Variants in BBS9 observed in about 807,000 individuals in gnomAD.
The protein encoded by BBS9 is protein PTHB1.
In BBS9, 89 loss-of-function variants were observed where a neutral mutation model predicts 117.7. The observed-to-expected ratio is 0.76, with a 90% CI of 0.64 to 0.90. BBS9 has a LOEUF of 0.90. BBS9 is among the 40% of genes least tolerant of loss of function. BBS9 has a pLI of 0.00. For missense variants in BBS9, 982 were observed against 1,042.2 expected (o/e 0.94, Z 0.80); for synonymous variants, 379 against 370.9 (o/e 1.02, Z -0.25).
At chr7:33,626,847 A>T (rs2700687) in intron 21 of BBS9, among the ~76,000 whole-genome samples, 100,383 of 152,148 alleles carry the variant, frequency 0.66, 35,481 homozygotes, top group Non-Finnish European at 0.78. Flanking sequence ...GAGCAAAGAG[A>T]TGTCCTGAAA....
intron 19 of BBS9, among the ~76,000 whole-genome samples, chr7:33,501,174 G>A (rs1006677894): frequency 6.6e-6 from 1 of 152,180 alleles, no homozygotes; most frequent in Admixed American, 6.5e-5. Flanking sequence ...GGTGAGCAGC[G>A]AGATCTTCTA....
intron 19 of BBS9, among the ~76,000 whole-genome samples, chr7:33,453,951 TG>T (rs1237768412): frequency 6.6e-6 from 1 of 152,214 alleles, no homozygotes; most frequent in Non-Finnish European, 1.5e-5. Flanking sequence ...TAGTTAAATT[TG>T]GGGGAGTCAA....
In BBS9 at chr7:33,344,608, G is replaced by A; in HGVS notation, c.1303G>A (p.Asp435Asn). The A allele has an allele frequency of 6.2e-7, 1 of 1,614,040 alleles. No homozygotes were observed. Among genetic ancestry groups the A allele is most frequent in the Non-Finnish European group, 8.5e-7 (1 of 1,179,986 alleles). Residue 435 changes from aspartate to asparagine, a missense_variant, in exon 12 of 23, where the codon GAC becomes AAC. Physicochemically the swap from Asp to Asn is conservative, Grantham distance 23 (BLOSUM62 1). Transcript: ENST00000242067. ...AGCGACCGATGTTGAGGTGGGAACT[G>A]ACCTTGTCCCTTCTGTCACGGTGAA... Reference protein sequence around the residue: ...SQATDVEVGTDLVPSVTVKVT... With the variant: ...SQATDVEVGTNLVPSVTVKVT...
chr7:33,487,815 G>GT (rs531839507), intron 19 of BBS9, among the ~76,000 whole-genome samples: 48 of 152,300 alleles, frequency 3.2e-4, no homozygotes, highest in Non-Finnish European at 6.2e-4. Context: ...ACTGAGAAAT[G>GT]TAAGGTTGAG....
chr7:33,576,942 A>G (rs1403245545), intron 21 of BBS9, among the ~76,000 whole-genome samples: 1 of 152,228 alleles, frequency 6.6e-6, no homozygotes, highest in African/African-American at 2.4e-5. Context: ...ACCTAAAACC[A>G]TAAAAACCCT....
At chr7:33,265,818 G>T (rs923078383) in intron 7 of BBS9, among the ~76,000 whole-genome samples, 1 of 152,014 alleles carries the variant, frequency 6.6e-6, no homozygotes, top group African/African-American at 2.4e-5. Flanking sequence ...ACTCTAGCCT[G>T]GGTGACAGAG....
chr7:33,178,624 C>T (rs1231281501), intron 5 of BBS9, among the ~76,000 whole-genome samples: 1 of 152,188 alleles, frequency 6.6e-6, no homozygotes, highest in Non-Finnish European at 1.5e-5. Context: ...TCCTGTGCCA[C>T]CTGCAGAGCA....
At chr7:33,620,977 A>G (rs935147595) in intron 21 of BBS9, among the ~76,000 whole-genome samples, 18 of 152,318 alleles carry the variant, frequency 1.2e-4, no homozygotes, top group African/African-American at 3.4e-4. Context: ...TTAAGAATAC[A>G]CAATGGAGAA....
intron 17 of BBS9, among the ~76,000 whole-genome samples, chr7:33,382,982 A>G (rs188164618): frequency 8.6e-4 from 131 of 152,312 alleles, no homozygotes; most frequent in Middle Eastern, 3.4e-3. Context: ...GTTTATGCCC[A>G]ACAAATAATA....
chr7:33,540,901 CT>C (rs1323657612), intron 21 of BBS9, among the ~76,000 whole-genome samples: 1 of 152,168 alleles, frequency 6.6e-6, no homozygotes, highest in African/African-American at 2.4e-5. Context: ...AATGTTTCAC[CT>C]TGTCAAAGTG....
chr7:33,134,264 C>A (rs1417002208), intron 1 of BBS9, among the ~76,000 whole-genome samples: 1 of 147,224 alleles, frequency 6.8e-6, no homozygotes, highest in Non-Finnish European at 1.5e-5. Context: ...GGGGTTTCAC[C>A]ATGTTGGCCA....
intron 19 of BBS9, among the ~76,000 whole-genome samples, chr7:33,442,307 G>C (rs1836329559): frequency 1.3e-5 from 2 of 152,170 alleles, no homozygotes; most frequent in African/African-American, 4.8e-5. Context: ...CCAAAGACCA[G>C]GAAAGAGATT....
chr7:33,626,922 T>C (rs1865665300), intron 21 of BBS9, among the ~76,000 whole-genome samples: 1 of 152,186 alleles, frequency 6.6e-6, no homozygotes, highest in Non-Finnish European at 1.5e-5. Flanking sequence ...CCTGACCATG[T>C]GGTAGAAAGA....
chr7:33,471,795 A>G (rs562601699), intron 19 of BBS9, among the ~76,000 whole-genome samples: 1 of 152,352 alleles, frequency 6.6e-6, no homozygotes, highest in Non-Finnish European at 1.5e-5. Context: ...CAACAGAACC[A>G]TTTTTGAAAA....
intron 21 of BBS9, among the ~76,000 whole-genome samples, chr7:33,556,762 T>G (rs555212741): frequency 1.5e-3 from 224 of 152,252 alleles, no homozygotes; most frequent in African/African-American, 5.2e-3. Flanking sequence ...ACAGAACTGC[T>G]CTAAGGTCTA....
At chr7:33,230,373 T>G (rs1792119288) in intron 5 of BBS9, among the ~76,000 whole-genome samples, 1 of 152,192 alleles carries the variant, frequency 6.6e-6, no homozygotes, top group African/African-American at 2.4e-5. Flanking sequence ...AGAGAAGTTT[T>G]ATAGTTCCTG....
chr7:33,247,694 G>T (rs1218669414), intron 5 of BBS9, among the ~76,000 whole-genome samples: 1 of 152,030 alleles, frequency 6.6e-6, no homozygotes, highest in Admixed American at 6.6e-5. Context: ...TGAGAGTAGC[G>T]ACTGTGTCTC....
intron 3 of BBS9, 48 bp from the exon 4 acceptor site, chr7:33,155,590 G>T: frequency 7.7e-7 from 1 of 1,298,638 alleles, no homozygotes. Context: ...TTTTGGTTAC[G>T]TCTAAAGCTA....
At chr7:33,352,565 A>G (rs1047148665) in intron 14 of BBS9, among the ~76,000 whole-genome samples, 6 of 152,170 alleles carry the variant, frequency 3.9e-5, no homozygotes, top group Admixed American at 1.3e-4. Context: ...GTTTGGCTAG[A>G]TCATATATCT....
Sources: allele counts gnomAD v4.1 joint callset (sites outside exome capture counted in the v4.1 genomes callset), GRCh38; gene constraint gnomAD v4.1.1; transcripts MANE v1.5; gene names NCBI Gene and HGNC (gene_info 2026-07-23, HGNC 2026-07-21).